Variants in CCDC171 observed in about 807,000 individuals in gnomAD.
The protein encoded by CCDC171 is coiled-coil domain-containing protein 171.
CCDC171 carries 177 observed loss-of-function variants against 168.2 expected under a neutral mutation model. The ratio of observed to expected loss-of-function variants is 1.05; its 90% CI spans 0.93 to 1.19. The LOEUF is 1.19. Ranked by LOEUF, CCDC171 falls within the 50% of genes most tolerant of loss-of-function variation. CCDC171 has a pLI of 0.00. For missense variants in CCDC171, 1,991 were observed against 1,539.0 expected (o/e 1.29, Z -4.91); for synonymous variants, 687 against 540.8 (o/e 1.27, Z -3.75).
intron 21 of CCDC171, among the ~76,000 whole-genome samples, chr9:15,831,778 C>T (rs1453795354): frequency 6.9e-6 from 1 of 145,508 alleles, no homozygotes; most frequent in Non-Finnish European, 1.5e-5. Context: ...ACTACTTTAC[C>T]TTGAAATGTG....
the CCDC171 span, among the ~76,000 whole-genome samples, chr9:16,104,601 A>G: frequency 8.5e-5 from 13 of 152,126 alleles, no homozygotes; most frequent in African/African-American, 2.2e-4. Context: ...GCCCAGATGT[A>G]GTGGCACTGA....
intron 7 of CCDC171, among the ~76,000 whole-genome samples, chr9:15,655,039 G>T (rs1217973459): frequency 6.6e-6 from 1 of 152,030 alleles, no homozygotes; most frequent in East Asian, 1.9e-4. Flanking sequence ...TTGTGGGGTC[G>T]GGGGAGCAGG....
intron 21 of CCDC171, among the ~76,000 whole-genome samples, chr9:15,832,981 CTTTTTTTTTTTTTT>C (rs71325937): frequency 1.4e-5 from 1 of 69,430 alleles, no homozygotes; most frequent in South Asian, 6.4e-4. Context: ...TCATTATAAT[CTTTTTTTTTTTTTT>C]TTTTTTTTTT....
At chr9:15,726,151 T>C (rs910251886) in intron 14 of CCDC171, among the ~76,000 whole-genome samples, 1 of 152,180 alleles carries the variant, frequency 6.6e-6, no homozygotes, top group African/African-American at 2.4e-5. Context: ...GGGATTTAAA[T>C]TGTGTCCACA....
intron 7 of CCDC171, among the ~76,000 whole-genome samples, chr9:15,629,247 A>C (rs1057029962): frequency 4.6e-5 from 7 of 152,138 alleles, no homozygotes; most frequent in African/African-American, 1.2e-4. Context: ...TACAAGAGGA[A>C]ATTCAAACCA....
chr9:15,796,656 G>GTGT (rs2058571391), intron 21 of CCDC171, among the ~76,000 whole-genome samples: 1 of 152,100 alleles, frequency 6.6e-6, no homozygotes, highest in Non-Finnish European at 1.5e-5. Context: ...GTTGGGGAGG[G>GTGT]TGTTGGCAGG....
intron 1 of CCDC171, among the ~76,000 whole-genome samples, chr9:16,056,077 A>G (rs2133078836): frequency 6.6e-6 from 1 of 152,348 alleles, no homozygotes; most frequent in East Asian, 1.9e-4. Flanking sequence ...GATCACAACC[A>G]TGTAATCTAA....
In CCDC171 at chr9:15,618,366, C is replaced by T. The variant is rs1311905829; in HGVS notation, c.676-4901C>T. ...GCCTCAGTAATGGCGGTCGCTGCTT[C>T]CCCCACCAAGCTCGATCATCCCAGG... On this transcript the variant is annotated intron_variant, in intron 6 of 25. Transcript: ENST00000380701. 4.6e-5 allele frequency among the ~76,000 whole-genome samples: 7 copies of T among 152,270 alleles called. No homozygotes were observed. The South Asian group carries it at 8.3e-4, about 18-fold the overall frequency.
intron 7 of CCDC171, among the ~76,000 whole-genome samples, chr9:15,642,343 G>GTGTGTATGTATA (rs1369419679): frequency 9.3e-6 from 1 of 107,570 alleles, no homozygotes; most frequent in African/African-American, 5.0e-5. Context: ...GTGTGTGTGT[G>GTGTGTATGTATA]TATATATATA....
At chr9:15,689,238 C>A (rs1350593082) in intron 10 of CCDC171, among the ~76,000 whole-genome samples, 1 of 152,158 alleles carries the variant, frequency 6.6e-6, no homozygotes, top group Non-Finnish European at 1.5e-5. Context: ...GGAAAAATAT[C>A]TCATGTTCAT....
chr9:16,078,314 T>G, the CCDC171 span, among the ~76,000 whole-genome samples: 116 of 152,292 alleles, frequency 7.6e-4, no homozygotes, highest in African/African-American at 2.6e-3. Flanking sequence ...CAGCTCTTGC[T>G]GAGGCACGGC....
At chr9:15,581,738 C>G (rs1358466112) in intron 4 of CCDC171, among the ~76,000 whole-genome samples, 3 of 152,038 alleles carry the variant, frequency 2.0e-5, no homozygotes, top group Non-Finnish European at 4.4e-5. Flanking sequence ...ATGCAGAAAG[C>G]TGAAACTGGA....
At chr9:15,800,898 C>G (rs2058791012) in intron 21 of CCDC171, among the ~76,000 whole-genome samples, 1 of 151,966 alleles carries the variant, frequency 6.6e-6, no homozygotes, top group South Asian at 2.1e-4. Context: ...GTTCTTAGCA[C>G]CTTTGTCAAA....
chr9:15,702,706 G>A (rs10962121), intron 11 of CCDC171, among the ~76,000 whole-genome samples: 108 of 152,032 alleles, frequency 7.1e-4, no homozygotes, highest in African/African-American at 2.4e-3. Context: ...CCTGCATCGG[G>A]GATTTTAGCT....
intron 25 of CCDC171, among the ~76,000 whole-genome samples, chr9:15,963,887 T>A (rs1830569297): frequency 6.6e-6 from 1 of 152,152 alleles, no homozygotes; most frequent in Non-Finnish European, 1.5e-5. Flanking sequence ...CTAAGCTAAA[T>A]TAGTTATATG....
intron 6 of CCDC171, among the ~76,000 whole-genome samples, chr9:15,596,502 A>G (rs1253386623): frequency 1.3e-5 from 2 of 152,108 alleles, no homozygotes; most frequent in Non-Finnish European, 1.5e-5. Context: ...CCATTGGTCT[A>G]TATCTCTATT....
chr9:15,905,485 A>G (rs1822432669), intron 24 of CCDC171, among the ~76,000 whole-genome samples: 1 of 152,188 alleles, frequency 6.6e-6, no homozygotes, highest in Non-Finnish European at 1.5e-5. Flanking sequence ...GAGAACAAAG[A>G]CACAACATAC....
intron 16 of CCDC171, among the ~76,000 whole-genome samples, chr9:15,739,755 T>G (rs2054728593): frequency 6.6e-6 from 1 of 151,798 alleles, no homozygotes; most frequent in Non-Finnish European, 1.5e-5. Context: ...TTTTTTTTTT[T>G]GATACCAAGT....
At chr9:15,726,006 G>A (rs572713231) in intron 14 of CCDC171, among the ~76,000 whole-genome samples, 3 of 152,192 alleles carry the variant, frequency 2.0e-5, no homozygotes, top group African/African-American at 4.8e-5. Context: ...TACCCTATGG[G>A]TTATAGAGCT....
Sources: allele counts gnomAD v4.1 joint callset (sites outside exome capture counted in the v4.1 genomes callset), GRCh38; gene constraint gnomAD v4.1.1; transcripts MANE v1.5; gene names NCBI Gene and HGNC (gene_info 2026-07-23, HGNC 2026-07-21).